SHANK2: variants seen among roughly 807,000 people sequenced by gnomAD.
SHANK2 encodes the protein SH3 and multiple ankyrin repeat domains protein 2.
Under a neutral mutation model 133.7 loss-of-function variants are expected in SHANK2, and 43 were observed. The ratio of observed to expected loss-of-function variants is 0.32; its 90% CI spans 0.25 to 0.41. SHANK2 has a LOEUF of 0.41. SHANK2 is among the 10% of genes least tolerant of loss of function. SHANK2 has a pLI of 1.00. For synonymous variants in SHANK2, 1,017 were observed against 952.8 expected, an observed-to-expected ratio of 1.07 and a Z score of -1.24; for missense variants, 1,994 against 2,235.8, an observed-to-expected ratio of 0.89 and a Z score of 2.18.
At position 70,938,916 on chromosome 11, in the gene SHANK2, A is replaced by T. The variant is rs1950606838; in HGVS notation, c.1108-42349T>A. On this transcript the variant is annotated intron_variant, in intron 10 of 25. Transcript: ENST00000601538. ...CAGCTGCAGGGAGTGACACGACCCC[A>T]TGTGTAATCTAGAAAGGTGAGGAGA... Among the ~76,000 whole-genome samples, 3 of 152,196 alleles carry T rather than the reference A, an allele frequency of 2.0e-5. No homozygotes were observed. The South Asian group carries it at 6.2e-4, about 32-fold the overall frequency.
At chr11:70,811,560 G>A (rs1250445384) in intron 12 of SHANK2, among the ~76,000 whole-genome samples, 3 of 150,420 alleles carry the variant, frequency 2.0e-5, no homozygotes, top group Non-Finnish European at 3.0e-5. Context: ...ATCCATCATC[G>A]ATCCATCCAT....
At chr11:70,898,496 A>G (rs1949974395) in intron 10 of SHANK2, among the ~76,000 whole-genome samples, 2 of 152,124 alleles carry the variant, frequency 1.3e-5, no homozygotes, top group African/African-American at 2.4e-5. Flanking sequence ...TATCAGATGG[A>G]GATGAAGAAC....
chr11:70,738,479 T>A (rs1190133821), intron 14 of SHANK2, among the ~76,000 whole-genome samples: 2 of 152,214 alleles, frequency 1.3e-5, no homozygotes, highest in African/African-American at 4.8e-5. Flanking sequence ...GAGGCCGCCA[T>A]CACTGCCCCT....
At chr11:70,523,217 C>T (rs532351466) in intron 17 of SHANK2, among the ~76,000 whole-genome samples, 6 of 152,226 alleles carry the variant, frequency 3.9e-5, no homozygotes, top group African/African-American at 4.8e-5. Flanking sequence ...CTGTCCAGAG[C>T]ACCAGGAGGA....
intron 12 of SHANK2, among the ~76,000 whole-genome samples, chr11:70,815,247 AAGG>A (rs142320951): frequency 0.031 from 4,637 of 148,878 alleles, 142 homozygotes; most frequent in Middle Eastern, 0.08. Flanking sequence ...CGAAAATGAG[AAGG>A]AGGAGGCACA....
intron 17 of SHANK2, among the ~76,000 whole-genome samples, chr11:70,587,574 G>C (rs528606907): frequency 2.6e-5 from 4 of 152,082 alleles, no homozygotes; most frequent in Non-Finnish European, 5.9e-5. Flanking sequence ...GACATTCAGA[G>C]AAAAGGTATA....
At chr11:71,232,376 G>T (rs960657460) in intron 1 of SHANK2, among the ~76,000 whole-genome samples, 1 of 152,136 alleles carries the variant, frequency 6.6e-6, no homozygotes, top group South Asian at 2.1e-4. Context: ...GGTAAACTGG[G>T]TATATCTCTG....
At chr11:70,763,403 C>T (rs188649451) in intron 14 of SHANK2, among the ~76,000 whole-genome samples, 1 of 152,056 alleles carries the variant, frequency 6.6e-6, no homozygotes, top group Non-Finnish European at 1.5e-5. Flanking sequence ...ACTGTGCTGC[C>T]CTGAGGATTG....
At chr11:70,771,980 T>G (rs1209609252) in intron 14 of SHANK2, among the ~76,000 whole-genome samples, 1 of 152,098 alleles carries the variant, frequency 6.6e-6, no homozygotes, top group Non-Finnish European at 1.5e-5. Context: ...TGAAGGTCTC[T>G]AAGGATGAGG....
intron 10 of SHANK2, among the ~76,000 whole-genome samples, chr11:70,946,447 A>T: frequency 1.5e-5 from 2 of 133,362 alleles, no homozygotes; most frequent in Non-Finnish European, 3.2e-5. Context: ...TCCCAGGCTC[A>T]ACCTCCCTCT....
chr11:70,658,200 GCCC>G (rs202207297), intron 17 of SHANK2, among the ~76,000 whole-genome samples: 74 of 96,008 alleles, frequency 7.7e-4, no homozygotes, highest in East Asian at 6.7e-3. Context: ...CCAAGGCCAC[GCCC>G]CCCCAACACA....
chr11:70,489,523 T>C, intron 23 of SHANK2, 175 bp from the exon 24 acceptor site: 1 of 701,114 alleles, frequency 1.4e-6, no homozygotes, highest in Non-Finnish European at 2.6e-6. Context: ...CACGCTGCGC[T>C]TTTGCACAGC....
At chr11:70,915,325 C>T (rs1001393205) in intron 10 of SHANK2, among the ~76,000 whole-genome samples, 2 of 152,216 alleles carry the variant, frequency 1.3e-5, no homozygotes, top group African/African-American at 4.8e-5. Context: ...CCAAAAAAAT[C>T]CCCTAGCAAC....
chr11:70,732,033 G>T (rs1204663242), intron 14 of SHANK2, among the ~76,000 whole-genome samples: 1 of 151,992 alleles, frequency 6.6e-6, no homozygotes, highest in East Asian at 1.9e-4. Context: ...CTTCCTCTCT[G>T]GCCACACACA....
intron 17 of SHANK2, among the ~76,000 whole-genome samples, chr11:70,565,133 G>A (rs530513075): frequency 6.6e-6 from 1 of 152,286 alleles, no homozygotes; most frequent in South Asian, 2.1e-4. Context: ...ATCATGAATT[G>A]TACTTGTTGG....
At chr11:70,716,855 G>A (rs1450550906) in intron 14 of SHANK2, among the ~76,000 whole-genome samples, 2 of 151,902 alleles carry the variant, frequency 1.3e-5, no homozygotes, top group Non-Finnish European at 2.9e-5. Flanking sequence ...GATGCTCCTC[G>A]GTGGCAGGCG....
chr11:70,809,410 T>A lies in SHANK2; in HGVS notation c.1494-2239A>T, dbSNP rs375034368. Among the ~76,000 whole-genome samples, 66 of 152,302 alleles carry A rather than the reference T, an allele frequency of 4.3e-4. 1 individual carries two copies. Among genetic ancestry groups the A allele is most frequent in the African/African-American group, 1.5e-3 (63 of 41,566 alleles). ...GTTCTAGAAGCGGATGTGACTACCC[T>A]CTTTTGGCATTTAACATAAGCCTCC... On this transcript the variant is annotated intron_variant, in intron 12 of 25. Coordinates refer to ENST00000601538, the MANE Select transcript of SHANK2 (RefSeq NM_012309.5).
intron 2 of SHANK2, among the ~76,000 whole-genome samples, chr11:71,196,062 G>A (rs1291978523): frequency 6.6e-6 from 1 of 151,906 alleles, no homozygotes; most frequent in African/African-American, 2.4e-5. Flanking sequence ...GTGTGTCTGG[G>A]GTCACAGCTA....
intron 9 of SHANK2, among the ~76,000 whole-genome samples, chr11:71,072,139 G>A (rs1951150671): frequency 6.6e-6 from 1 of 152,184 alleles, no homozygotes; most frequent in East Asian, 1.9e-4. Context: ...CAAGGAAACA[G>A]AGAAACAGCC....
Sources: gnomAD v4.1 joint callset for allele counts (sites outside exome capture counted in the v4.1 genomes callset) on GRCh38, gnomAD v4.1.1 for gene constraint, MANE v1.5 for transcripts, NCBI Gene and HGNC (gene_info 2026-07-23, HGNC 2026-07-21) for gene names.